The following PANX1 variants were observed in gnomAD, a reference collection of about 807,000 sequenced individuals.
The protein encoded by PANX1 is pannexin-1.
Under a neutral mutation model 38.7 loss-of-function variants are expected in PANX1, and 30 were observed. The ratio of observed to expected loss-of-function variants is 0.78; its 90% CI spans 0.58 to 1.05. PANX1 has a LOEUF of 1.05. Among genes scored for constraint, PANX1 ranks in the 50% least tolerant of loss-of-function variants. PANX1 has a pLI of 0.00. For missense variants in PANX1, 551 were observed against 517.2 expected (o/e 1.07, Z -0.63); for synonymous variants, 230 against 212.2 (o/e 1.08, Z -0.73).
chr11:94,161,473 A>G (rs1274352581), intron 2 of PANX1, among the ~76,000 whole-genome samples: 1 of 151,954 alleles, frequency 6.6e-6, no homozygotes, highest in African/African-American at 2.4e-5. Context: ...CATTCATTTG[A>G]TCTTCCATCA....
At chr11:94,173,138 G>A (rs567976565) in intron 2 of PANX1, among the ~76,000 whole-genome samples, 1 of 151,878 alleles carries the variant, frequency 6.6e-6, no homozygotes, top group Non-Finnish European at 1.5e-5. Context: ...CATCCTTCAT[G>A]CATCTTTTTA....
At position 94,129,166 on chromosome 11, in the gene PANX1, C is replaced by T. The variant is rs1317977603; in HGVS notation, c.-147C>T. 3 of 599,510 alleles carry T rather than the reference C, an allele frequency of 5.0e-6. No homozygotes were observed. The highest frequency in any genetic ancestry group is 4.8e-5 in the South Asian group (2 of 41,892). The allele number at this position is 599,510 out of a possible 1,614,324, so 37.1% of individuals were successfully genotyped here. A position where few individuals can be genotyped will look rare whatever the true frequency, so the allele number is the denominator to read the frequency against. On this transcript the variant is annotated 5_prime_UTR_variant, in exon 1 of 5. Transcript: ENST00000227638. Reference sequence around the variant, plus strand: ...CGGAGTCGCTGGGAGCCTGAGGCACCGAGACACAAAGGCAGGCGGGATGCG... The same window carrying T: ...CGGAGTCGCTGGGAGCCTGAGGCACTGAGACACAAAGGCAGGCGGGATGCG...
chr11:94,170,534 C>T (rs1947153691), intron 2 of PANX1, among the ~76,000 whole-genome samples: 1 of 151,796 alleles, frequency 6.6e-6, no homozygotes. Context: ...CGAGTCCTCA[C>T]TTTGTTTCTT....
intron 1 of PANX1, among the ~76,000 whole-genome samples, chr11:94,143,665 G>C (rs1946791044): frequency 1.3e-5 from 2 of 151,934 alleles, no homozygotes; most frequent in South Asian, 4.2e-4. Flanking sequence ...GCAACATTCA[G>C]GAATAAAGAC....
chr11:94,146,327 G>A (rs1309483235), intron 1 of PANX1, among the ~76,000 whole-genome samples: 1 of 126,426 alleles, frequency 7.9e-6, no homozygotes, highest in Admixed American at 8.7e-5. Flanking sequence ...ACATGTAGAA[G>A]GAGCAAATCA....
At chr11:94,148,348 T>C (rs1025658274) in intron 1 of PANX1, among the ~76,000 whole-genome samples, 3 of 152,230 alleles carry the variant, frequency 2.0e-5, no homozygotes, top group African/African-American at 7.2e-5. Flanking sequence ...TTGTATTTTA[T>C]GATAGTTGAG....
chr11:94,178,116 C>T (rs866322156), intron 2 of PANX1, among the ~76,000 whole-genome samples: 1 of 152,102 alleles, frequency 6.6e-6, no homozygotes, highest in South Asian at 2.1e-4. Flanking sequence ...AGAACGTACA[C>T]ACCATGTGTC....
At position 94,179,886 on chromosome 11, in the gene PANX1, G is replaced by A. The variant is rs781085138; in HGVS notation, c.830G>A (p.Ser277Asn). 2 of 1,613,976 alleles carry A rather than the reference G, an allele frequency of 1.2e-6. No homozygotes were observed. Among genetic ancestry groups the A allele is most frequent in the South Asian group, 1.1e-5 (1 of 91,066 alleles). The change falls in exon 4 of 5, where the codon AGT becomes AAT. Residue 277 changes from serine to asparagine, a missense_variant. Physicochemically the swap from Ser to Asn is conservative, Grantham distance 46 (BLOSUM62 1). Coordinates refer to ENST00000227638, the MANE Select transcript of PANX1 (RefSeq NM_015368.4). ...GCCGTGGGCATCTTCCAGTTGCTCAGTGTCATTAACCTTGTGGTTTATGTC... is the reference window on the plus strand; with the variant it reads ...GCCGTGGGCATCTTCCAGTTGCTCAATGTCATTAACCTTGTGGTTTATGTC... Reference protein sequence around the residue: ...LIAVGIFQLLSVINLVVYVLL... With the variant: ...LIAVGIFQLLNVINLVVYVLL...
At chr11:94,144,022 C>T (rs965697073) in intron 1 of PANX1, among the ~76,000 whole-genome samples, 1 of 152,162 alleles carries the variant, frequency 6.6e-6, no homozygotes, top group Admixed American at 6.5e-5. Context: ...AGGGGTGACC[C>T]ATGGTGCCCA....
intron 2 of PANX1, among the ~76,000 whole-genome samples, chr11:94,170,525 G>A (rs1947153620): frequency 2.0e-5 from 3 of 151,734 alleles, no homozygotes; most frequent in African/African-American, 4.9e-5. Context: ...ACATCTGTTC[G>A]AGTCCTCACT....
chr11:94,137,193 A>G (rs1274945354), intron 1 of PANX1, among the ~76,000 whole-genome samples: 1 of 152,142 alleles, frequency 6.6e-6, no homozygotes, highest in Non-Finnish European at 1.5e-5. Flanking sequence ...AGTCCCAGCT[A>G]CTTGGGAGGC....
Position 94,153,510 on chromosome 11 carries a change from C to G in PANX1, c.201C>G (p.Phe67Leu). 1 of 1,614,162 alleles carries G rather than the reference C, an allele frequency of 6.2e-7. No homozygotes were observed. Among genetic ancestry groups the G allele is most frequent in the Non-Finnish European group, 8.5e-7 (1 of 1,180,022 alleles). Residue 67 changes from phenylalanine (F) to leucine (L), a missense_variant, in exon 2 of 5, where the codon TTC (phenylalanine) becomes TTG (leucine). Phe to Leu is a conservative substitution (Grantham distance 22). Transcript: ENST00000227638. ...EISIGTQISC[F>L]SPSSFSWRQA... ...TCTTAGGTACACAGATAAGCTGTTT[C>G]TCTCCAAGTTCTTTCTCCTGGCGTC...
At chr11:94,132,191 A>T (rs1453573944) in intron 1 of PANX1, among the ~76,000 whole-genome samples, 1 of 152,212 alleles carries the variant, frequency 6.6e-6, no homozygotes, top group African/African-American at 2.4e-5. Flanking sequence ...TATGTGCATG[A>T]TGCTGTACCT....
chr11:94,145,006 A>G (rs975031683), intron 1 of PANX1, among the ~76,000 whole-genome samples: 2 of 152,174 alleles, frequency 1.3e-5, no homozygotes, highest in African/African-American at 4.8e-5. Context: ...AGGAGCTCAT[A>G]TGTCTGATCA....
At chr11:94,135,493 C>G (rs2134473948) in intron 1 of PANX1, among the ~76,000 whole-genome samples, 1 of 152,296 alleles carries the variant, frequency 6.6e-6, no homozygotes, top group South Asian at 2.1e-4. Flanking sequence ...CATGTACCAG[C>G]TGGCAAAGCA....
chr11:94,162,659 C>T (rs113340307), intron 2 of PANX1, among the ~76,000 whole-genome samples: 8,456 of 152,194 alleles, frequency 0.056, 808 homozygotes, highest in African/African-American at 0.19. Context: ...TGACCCCTTG[C>T]GCTTCCCGGG....
At chr11:94,135,082 G>C (rs1946672971) in intron 1 of PANX1, among the ~76,000 whole-genome samples, 2 of 152,288 alleles carry the variant, frequency 1.3e-5, no homozygotes, top group South Asian at 4.1e-4. Flanking sequence ...CATATCCCCT[G>C]GGAAGGAGAG....
At chr11:94,162,763 C>T (rs114550410) in intron 2 of PANX1, among the ~76,000 whole-genome samples, 2,352 of 152,260 alleles carry the variant, frequency 0.015, 61 homozygotes, top group African/African-American at 0.054. Context: ...GAGATGAATC[C>T]GGTTCCTCAG....
intron 1 of PANX1, among the ~76,000 whole-genome samples, chr11:94,143,094 A>G (rs1222805462): frequency 6.6e-6 from 1 of 152,256 alleles, no homozygotes; most frequent in East Asian, 1.9e-4. Context: ...TCATGTTGCC[A>G]GAGTCACTAA....
Sources: gnomAD v4.1 joint callset for allele counts (sites outside exome capture counted in the v4.1 genomes callset) on GRCh38, gnomAD v4.1.1 for gene constraint, MANE v1.5 for transcripts, NCBI Gene and HGNC (gene_info 2026-07-23, HGNC 2026-07-21) for gene names.